Variants in RIMS1 observed in about 807,000 individuals in gnomAD.
RIMS1 encodes regulating synaptic membrane exocytosis 1, also known as regulating synaptic membrane exocytosis protein 1.
In RIMS1, 83 loss-of-function variants were observed where a neutral mutation model predicts 214.1. That is an observed-to-expected ratio of 0.39 (90% confidence interval 0.32 to 0.47). The LOEUF (loss-of-function observed/expected upper bound fraction) is 0.47, where lower values mean the gene tolerates loss of function less well. Among genes scored for constraint, RIMS1 ranks in the 20% least tolerant of loss-of-function variants. The pLI is 0.99. For synonymous variants in RIMS1, 793 were observed against 786.8 expected (o/e 1.01, Z -0.13); for missense variants, 2,050 against 2,161.8 (o/e 0.95, Z 1.03).
chr6:72,158,019 A>C (rs2044674680), intron 4 of RIMS1, among the ~76,000 whole-genome samples: 1 of 140,628 alleles, frequency 7.1e-6, no homozygotes, highest in Non-Finnish European at 1.6e-5. Flanking sequence ...ATTTTATGTT[A>C]TTATTGTGTG....
At chr6:72,364,091 A>T (rs994854786) in intron 29 of RIMS1, among the ~76,000 whole-genome samples, 3 of 152,210 alleles carry the variant, frequency 2.0e-5, no homozygotes, top group Non-Finnish European at 4.4e-5. Context: ...TTGCCTTTTC[A>T]AGCCTGGCAA....
chr6:72,375,991 GT>G (rs1239429698), intron 29 of RIMS1, among the ~76,000 whole-genome samples: 1 of 152,174 alleles, frequency 6.6e-6, no homozygotes, highest in Non-Finnish European at 1.5e-5. Flanking sequence ...AAAAGAGATG[GT>G]TTCTGGTACA....
At chr6:72,033,551 G>A (rs752994493) in intron 2 of RIMS1, among the ~76,000 whole-genome samples, 3 of 151,548 alleles carry the variant, frequency 2.0e-5, no homozygotes, top group East Asian at 1.9e-4. Flanking sequence ...GTGTGATCTC[G>A]GCTCACTGCT....
In RIMS1 at chr6:72,198,883, CAG is replaced by C. The variant is rs531361092; in HGVS notation, c.1678+15736_1678+15737del. 3.0e-4 allele frequency among the ~76,000 whole-genome samples: 46 copies of C among 152,036 alleles called. No homozygotes were observed. In the South Asian group the frequency reaches 3.1e-3, roughly 10 times the overall value. ...TCTAAACTATCAACTTCAAAGTTCT[CAG>C]AAAACCTGCATTTTATTCTCGTTCT... On this transcript the variant is annotated intron_variant, in intron 6 of 33. Transcript: ENST00000521978.
chr6:71,887,735 CTTT>C (rs1478085818), intron 1 of RIMS1, among the ~76,000 whole-genome samples: 1 of 152,014 alleles, frequency 6.6e-6, no homozygotes, highest in East Asian at 1.9e-4. Context: ...AAGGTTGGGT[CTTT>C]TTTTGGGCAA....
At chr6:72,332,710 C>G (rs995752884) in intron 28 of RIMS1, among the ~76,000 whole-genome samples, 33 of 151,206 alleles carry the variant, frequency 2.2e-4, no homozygotes, top group Non-Finnish European at 4.4e-4. Context: ...ATCCTAACAT[C>G]CATGCTCCCT....
intron 28 of RIMS1, among the ~76,000 whole-genome samples, chr6:72,318,555 TA>T (rs754321029): frequency 2.8e-4 from 43 of 152,212 alleles, no homozygotes; most frequent in Non-Finnish European, 2.2e-4. Flanking sequence ...TATTGCATGT[TA>T]TTTTTTTAAA....
intron 29 of RIMS1, among the ~76,000 whole-genome samples, chr6:72,351,526 G>A (rs2097446155): frequency 6.6e-6 from 1 of 152,146 alleles, no homozygotes; most frequent in South Asian, 2.1e-4. Flanking sequence ...TGATACAAGA[G>A]ACTGTGACAC....
intron 19 of RIMS1, chr6:72,261,388 A>C: frequency 3.0e-6 from 3 of 985,940 alleles, no homozygotes; most frequent in South Asian, 9.4e-5. Flanking sequence ...AACAGTATGA[A>C]TGCCTCTTTA....
intron 2 of RIMS1, among the ~76,000 whole-genome samples, chr6:72,015,027 A>G (rs544283516): frequency 1.2e-4 from 19 of 152,322 alleles, no homozygotes; most frequent in African/African-American, 4.3e-4. Flanking sequence ...GCTTGGGACC[A>G]GAAGGGTTTT....
chr6:72,318,001 T>A (rs943468529), intron 28 of RIMS1, among the ~76,000 whole-genome samples: 1 of 152,188 alleles, frequency 6.6e-6, no homozygotes, highest in Admixed American at 6.5e-5. Context: ...ATAATATTAT[T>A]TTGTTTTAAA....
At chr6:72,227,882 G>A (rs527420913) in intron 6 of RIMS1, among the ~76,000 whole-genome samples, 1 of 152,076 alleles carries the variant, frequency 6.6e-6, no homozygotes, top group South Asian at 2.1e-4. Flanking sequence ...ATATCAGAGA[G>A]AAAGACACAG....
chr6:71,906,681 C>T (rs1775345623), intron 1 of RIMS1, among the ~76,000 whole-genome samples: 1 of 151,976 alleles, frequency 6.6e-6, no homozygotes, highest in Admixed American at 6.6e-5. Flanking sequence ...TCAATGAGGC[C>T]TGGGTTCGAA....
intron 2 of RIMS1, among the ~76,000 whole-genome samples, chr6:72,034,758 G>A (rs778780261): frequency 6.6e-6 from 1 of 151,982 alleles, no homozygotes; most frequent in Non-Finnish European, 1.5e-5. Flanking sequence ...ACTTATTAAC[G>A]AGTTAGGTTA....
At chr6:72,397,399 T>A (rs1187828675) in intron 31 of RIMS1, among the ~76,000 whole-genome samples, 1 of 152,178 alleles carries the variant, frequency 6.6e-6, no homozygotes, top group East Asian at 1.9e-4. Context: ...TGGCAAAAAT[T>A]AAGCATTTTT....
At chr6:71,970,035 A>G (rs1178101970) in intron 2 of RIMS1, among the ~76,000 whole-genome samples, 1 of 152,216 alleles carries the variant, frequency 6.6e-6, no homozygotes, top group Non-Finnish European at 1.5e-5. Context: ...ACAGTAACAT[A>G]TCATTTAAAA....
intron 4 of RIMS1, among the ~76,000 whole-genome samples, chr6:72,146,052 G>A (rs1239900074): frequency 6.6e-6 from 1 of 152,126 alleles, no homozygotes; most frequent in East Asian, 1.9e-4. Flanking sequence ...CAAAGGATCA[G>A]CAATATTTTA....
chr6:72,393,815 A>G (rs2098739876), intron 31 of RIMS1, among the ~76,000 whole-genome samples: 1 of 152,176 alleles, frequency 6.6e-6, no homozygotes, highest in South Asian at 2.1e-4. Context: ...GACTGTTAGC[A>G]TTACCTTCAG....
intron 4 of RIMS1, among the ~76,000 whole-genome samples, chr6:72,114,407 G>A (rs1214446836): frequency 6.6e-6 from 1 of 151,312 alleles, no homozygotes; most frequent in Non-Finnish European, 1.5e-5. Flanking sequence ...GACAGCATGT[G>A]GTTGAAAATC....
Sources: gnomAD v4.1 joint callset for allele counts (sites outside exome capture counted in the v4.1 genomes callset) on GRCh38, gnomAD v4.1.1 for gene constraint, MANE v1.5 for transcripts, NCBI Gene and HGNC (gene_info 2026-07-23, HGNC 2026-07-21) for gene names.